The following CHD8 variants were observed in gnomAD, a reference collection of about 807,000 sequenced individuals.
CHD8 encodes ATP-dependent chromatin remodeler CHD8.
In CHD8, 31 loss-of-function variants were observed where a neutral mutation model predicts 279.2. That is an observed-to-expected ratio of 0.11 (90% confidence interval 0.08 to 0.15). The LOEUF (loss-of-function observed/expected upper bound fraction) is 0.15. Ranked by LOEUF, CHD8 falls within the 10% of genes least tolerant of loss-of-function variation. CHD8 has a pLI of 1.00. For missense variants in CHD8, 2,146 were observed against 3,230.5 expected (o/e 0.66, Z 8.14); for synonymous variants, 1,081 against 1,139.6 (o/e 0.95, Z 1.04).
rs1889571832 is a variant in CHD8 at position 21,431,715 on chromosome 14, CT to C, written c.-73del. On this transcript the variant is annotated 5_prime_UTR_variant, in exon 2 of 38. Transcript: ENST00000646647. ...GGGGAGGGGGGGTACTGGCTCTCCC[CT>C]CCCCTCCCCTATTAAGAAAAAAATG... The C allele has an allele frequency of 6.2e-7, 1 of 1,606,872 alleles. No individual in the cohort carries two copies. Among genetic ancestry groups the C allele is most frequent in the Non-Finnish European group, 8.5e-7 (1 of 1,176,562 alleles).
At chr14:21,441,754 TGGTG>T in intron 1 of CHD8, among the ~76,000 whole-genome samples, 1 of 152,050 alleles carries the variant, frequency 6.6e-6, no homozygotes, top group East Asian at 1.9e-4. Flanking sequence ...CTGGGCGTGG[TGGTG>T]GGCACCTGTA....
rs554539548 is a variant in CHD8, at chr14:21,402,975, C to T, written c.3714+42G>A. On this transcript the variant is annotated intron_variant, in intron 18 of 37. Coordinates refer to ENST00000646647, the MANE Select transcript of CHD8 (RefSeq NM_001170629.2). The surrounding 1 kb of genome is among the most constrained non-coding windows in gnomAD (Gnocchi z 4.5). Reference sequence around the variant, plus strand: ...GATCCTATTCTTGTTGAAAAATCTCCCAAGTTAGGTAGTTAGTCCCTAAGA... The same window carrying T: ...GATCCTATTCTTGTTGAAAAATCTCTCAAGTTAGGTAGTTAGTCCCTAAGA... 6.7e-7 allele frequency: 1 copy of T among 1,502,830 alleles called. No individual in the cohort carries two copies. Among genetic ancestry groups the T allele is most frequent in the South Asian group, 1.2e-5 (1 of 84,304 alleles). 93.1% of individuals were successfully genotyped at this position (1,502,830 alleles called of 1,614,324 possible).
At chr14:21,414,266 G>T (rs191496918) in intron 9 of CHD8, 35 bp downstream of exon 9, 2 of 1,063,034 alleles carry the variant, frequency 1.9e-6, no homozygotes, top group South Asian at 1.4e-5. Context: ...GTGCTTCTGT[G>T]AAAGAAATGA....
At chr14:21,417,862 A>AT (rs1392939633) in intron 5 of CHD8, among the ~76,000 whole-genome samples, 2 of 139,652 alleles carry the variant, frequency 1.4e-5, no homozygotes, top group African/African-American at 5.5e-5. Context: ...AAAAAAAAAA[A>AT]AAAATATATA....
chr14:21,399,342 G>A (rs1887932650), intron 26 of CHD8: 1 of 453,104 alleles, frequency 2.2e-6, no homozygotes, highest in Admixed American at 3.4e-5. Flanking sequence ...ATACAGTGCG[G>A]TAACACACTG....
intron 1 of CHD8, among the ~76,000 whole-genome samples, chr14:21,450,414 T>A (rs1378870486): frequency 1.3e-5 from 2 of 151,790 alleles, no homozygotes; most frequent in African/African-American, 2.4e-5. Flanking sequence ...AAGCATGTAG[T>A]GGAAGAAAAA....
chr14:21,428,941 T>C, intron 3 of CHD8, 23 bp downstream of exon 3: 1 of 1,612,166 alleles, frequency 6.2e-7, no homozygotes, highest in East Asian at 2.2e-5. Context: ...TTCTTTCTTT[T>C]CCTTACTATG....
intron 26 of CHD8, chr14:21,398,987 C>T (rs182718775): frequency 1.7e-4 from 72 of 419,994 alleles, no homozygotes; most frequent in Non-Finnish European, 2.6e-4. Context: ...AGCCGAGTGA[C>T]ACCAGTGAAA....
intron 13 of CHD8, among the ~76,000 whole-genome samples, chr14:21,407,339 T>C (rs1012003963): frequency 1.3e-5 from 2 of 152,070 alleles, no homozygotes; most frequent in African/African-American, 4.8e-5. Flanking sequence ...TGATTAACAA[T>C]GAAATCCACA....
chr14:21,397,737 A>C lies in CHD8; in HGVS notation c.5051+86T>G, dbSNP rs867737235. 2.2e-6 allele frequency: 3 copies of C among 1,384,864 alleles called. No individual in the cohort carries two copies. The African/African-American group carries it at 4.3e-5, about 20-fold the overall frequency. 85.8% of individuals were successfully genotyped at this position (1,384,864 alleles called of 1,614,324 possible). A position where few individuals can be genotyped will look rare whatever the true frequency, so the allele number is the denominator to read the frequency against. On this transcript the variant is annotated intron_variant, in intron 27 of 37. Coordinates refer to ENST00000646647, the MANE Select transcript of CHD8 (RefSeq NM_001170629.2). ...TCTATCACTTTTGAGTATAATTACA[A>C]TTAAGAATCCCATTGGGTTCAGTCA... is the stretch of plus-strand genomic sequence containing the variant.
intron 1 of CHD8, among the ~76,000 whole-genome samples, chr14:21,443,450 G>A (rs1890034721): frequency 6.6e-6 from 1 of 152,070 alleles, no homozygotes; most frequent in Admixed American, 6.6e-5. Flanking sequence ...AGCAGGTAGA[G>A]AAAAAACAGC....
At chr14:21,429,356 T>C (rs1889464164) in intron 2 of CHD8, 21 bp from the exon 3 acceptor site, 1 of 1,601,272 alleles carries the variant, frequency 6.2e-7, no homozygotes, top group South Asian at 1.1e-5. Flanking sequence ...GAAAGGAAAT[T>C]GCAAGAGTAC....
chr14:21,386,313 T>A, intron 37 of CHD8, 137 bp from the exon 38 acceptor site: 1 of 738,710 alleles, frequency 1.4e-6, no homozygotes, highest in Non-Finnish European at 2.2e-6. Flanking sequence ...ACAGCGATAC[T>A]AGGCTTGATT....
chr14:21,423,501 T>C (rs528146883), intron 5 of CHD8, among the ~76,000 whole-genome samples: 1 of 152,256 alleles, frequency 6.6e-6, no homozygotes, highest in Admixed American at 6.5e-5. Context: ...GCATGGGGGA[T>C]TTAGCTTCCT....
At position 21,437,259 on chromosome 14, in the gene CHD8, C is replaced by G. The variant is rs1481715000; in HGVS notation, c.-215-5401G>C. 18 of 1,165,424 alleles carry G rather than the reference C, an allele frequency of 1.5e-5. No homozygotes were observed. In the South Asian group the frequency reaches 1.8e-4, roughly 12 times the overall value. 72.2% of individuals were successfully genotyped at this position (1,165,424 alleles called of 1,614,324 possible). On this transcript the variant is annotated intron_variant, in intron 1 of 37. Coordinates refer to ENST00000646647, the MANE Select transcript of CHD8 (RefSeq NM_001170629.2). ...CTCTCCAGCACCAGTTCCCCCTCCT[C>G]CTGCGCAACCTAACCTGATGCTCCT...
intron 1 of CHD8, among the ~76,000 whole-genome samples, chr14:21,445,854 G>A (rs1890104022): frequency 6.6e-6 from 1 of 151,990 alleles, no homozygotes; most frequent in Non-Finnish European, 1.5e-5. Context: ...ACAAAAATTA[G>A]CTGGGTGTGG....
Position 21,392,741 on chromosome 14 carries a change from G to A in CHD8, c.6537C>T (p.Ser2179=), listed in dbSNP as rs61756312. Residue 2179 remains serine, a synonymous_variant, in exon 34 of 38, where the codon AGC becomes AGT. Transcript: ENST00000646647. ...CTGTTACCATTTCCTGGCTCCTACGGCTAGAAGGCCACTTCCCTGAGAGTA... is the reference window on the plus strand; with the variant it reads ...CTGTTACCATTTCCTGGCTCCTACGACTAGAAGGCCACTTCCCTGAGAGTA... ...QAVLSGKWPS[S]RRSQEMVTGG... is the part of the protein sequence containing the mutation. 4,100 of 1,613,954 alleles carry A rather than the reference G, an allele frequency of 2.5e-3. 109 individuals carry two copies. The African/African-American group carries it at 0.049, about 19-fold the overall frequency.
chr14:21,431,726 T>C lies in CHD8; in HGVS notation c.-83A>G, dbSNP rs1594380519. ...GTACTGGCTCTCCCCTCCCCTCCCC[T>C]ATTAAGAAAAAAATGTACACAATGT... On this transcript the variant is annotated 5_prime_UTR_variant, in exon 2 of 38. The change creates a new upstream start codon in the 5' untranslated region. Transcript: ENST00000646647. The C allele has an allele frequency of 6.2e-7, 1 of 1,610,412 alleles. No individual in the cohort carries two copies. The highest frequency in any genetic ancestry group is 1.3e-5 in the African/African-American group (1 of 74,882).
rs147234848 is a variant in CHD8 at position 21,414,225 on chromosome 14, A to C, written c.2142+76T>G. ...GAAACCAATTACAAGTATTTTGAAG[A>C]ATCAGCCAAGGCTGACAACCCCAGT... is the stretch of plus-strand genomic sequence containing the variant. On this transcript the variant is annotated intron_variant, in intron 9 of 37. Coordinates refer to ENST00000646647, the MANE Select transcript of CHD8 (RefSeq NM_001170629.2). 1.1e-5 allele frequency: 9 copies of C among 784,114 alleles called. No homozygotes were observed. In the East Asian group the frequency reaches 2.4e-4, roughly 21 times the overall value. The allele number at this position is 784,114 out of a possible 1,614,324, so 48.6% of individuals were successfully genotyped here. A position where few individuals can be genotyped will look rare whatever the true frequency, so the allele number is the denominator to read the frequency against.
Sources: allele counts gnomAD v4.1 joint callset (sites outside exome capture counted in the v4.1 genomes callset), GRCh38; gene constraint gnomAD v4.1.1; non-coding constraint Gnocchi (gnomAD v3.1); transcripts MANE v1.5; gene names NCBI Gene and HGNC (gene_info 2026-07-23, HGNC 2026-07-21).